Variants in CLMP observed in about 807,000 individuals in gnomAD.
The protein encoded by CLMP is CXADR like cell adhesion molecule, also known as CXADR-like membrane protein.
In CLMP, 27 loss-of-function variants were observed where a neutral mutation model predicts 45.2. That is an observed-to-expected ratio of 0.60 (90% CI 0.44 to 0.82). The LOEUF is 0.82. Among genes scored for constraint, CLMP ranks in the 40% least tolerant of loss-of-function variants. The probability of loss-of-function intolerance (pLI) is 0.00; values close to 1 mark genes in which losing one functional copy is unlikely to be tolerated. For missense variants in CLMP, 403 were observed against 448.4 expected (o/e 0.90, Z 0.91); for synonymous variants, 167 against 171.4 (o/e 0.97, Z 0.20).
chr11:123,150,201 AACACAC>A (rs113858165), intron 1 of CLMP, among the ~76,000 whole-genome samples: 11,066 of 142,174 alleles, frequency 0.078, 467 homozygotes, highest in Middle Eastern at 0.12. Flanking sequence ...ACACACACTA[AACACAC>A]ACACACACAC....
At position 123,073,675 on chromosome 11, in the gene CLMP, TGTGGAGCGA is replaced by T; in HGVS notation, c.912_920del (p.Arg305_Thr307del). ...GCTGGCTGCGTGAGGCACTATTTGC[TGTGGAGCGA>T]GTGGAGGAAGAACCAGAGCGTGAGC... On this transcript the variant is annotated inframe_deletion, in exon 7 of 7. Coordinates refer to ENST00000448775, the MANE Select transcript of CLMP (RefSeq NM_024769.5). The T allele has an allele frequency of 1.2e-6, 2 of 1,614,212 alleles. No homozygotes were observed.
Position 123,073,463 on chromosome 11 carries a change from T to C in CLMP, c.*11A>G. On this transcript the variant is annotated 3_prime_UTR_variant, in exon 7 of 7. Transcript: ENST00000448775. Reference sequence around the variant, plus strand: ...CTCCTAGGAAAGCGTGGGAGTCAAGTCCATTGTAATTCAGACCGTTTGGAA... The same window carrying C: ...CTCCTAGGAAAGCGTGGGAGTCAAGCCCATTGTAATTCAGACCGTTTGGAA... 6.3e-7 allele frequency: 1 copy of C among 1,597,720 alleles called. No individual in the cohort carries two copies. The highest frequency in any genetic ancestry group is 1.1e-5 in the South Asian group (1 of 89,230).
intron 1 of CLMP, among the ~76,000 whole-genome samples, chr11:123,109,468 G>A (rs1591461738): frequency 6.6e-6 from 1 of 152,244 alleles, no homozygotes; most frequent in Non-Finnish European, 1.5e-5. Context: ...TCCATCACTA[G>A]TTTTTATTAT....
intron 2 of CLMP, among the ~76,000 whole-genome samples, chr11:123,086,899 A>G (rs2135471734): frequency 6.6e-6 from 1 of 152,274 alleles, no homozygotes; most frequent in Non-Finnish European, 1.5e-5. Context: ...AATTTAAAAA[A>G]AGAAAAAAAT....
chr11:123,126,884 G>A (rs1860904451), intron 1 of CLMP, among the ~76,000 whole-genome samples: 1 of 150,614 alleles, frequency 6.6e-6, no homozygotes. Flanking sequence ...GCGAGAGTGC[G>A]AGACTCCATC....
At chr11:123,164,476 G>A (rs905450364) in intron 1 of CLMP, among the ~76,000 whole-genome samples, 3 of 151,962 alleles carry the variant, frequency 2.0e-5, no homozygotes, top group East Asian at 3.9e-4. Flanking sequence ...GCTAGTTTTT[G>A]TATTTTTAGT....
At position 123,073,292 on chromosome 11, in the gene CLMP, A is replaced by G. The variant is rs1480191607; in HGVS notation, c.*182T>C. On this transcript the variant is annotated 3_prime_UTR_variant, in exon 7 of 7. Transcript: ENST00000448775. The stretch of plus-strand genomic sequence containing the variant: ...CCTTTTTACAGATGAATCAGCTTAC[A>G]TCCTTTTGCTTGTTTGGTATTGTAT... The G allele has an allele frequency of 3.1e-6, 2 of 651,930 alleles. No homozygotes were observed. The highest frequency in any genetic ancestry group is 5.4e-5 in the East Asian group (2 of 36,894). The allele number at this position is 651,930 out of a possible 1,614,324, so 40.4% of individuals were successfully genotyped here. A position where few individuals can be genotyped will look rare whatever the true frequency, so the allele number is the denominator to read the frequency against.
At chr11:123,077,688 A>G (rs1447922040) in intron 5 of CLMP, among the ~76,000 whole-genome samples, 1 of 152,192 alleles carries the variant, frequency 6.6e-6, no homozygotes, top group Non-Finnish European at 1.5e-5. Flanking sequence ...AAAGGAATGG[A>G]GTTATTTTAC....
intron 1 of CLMP, among the ~76,000 whole-genome samples, chr11:123,110,801 C>G (rs767195124): frequency 5.3e-5 from 8 of 152,212 alleles, no homozygotes; most frequent in African/African-American, 1.9e-4. Flanking sequence ...AAGGAAAGGG[C>G]TTATGCCATT....
chr11:123,193,746 C>T (rs533590707), intron 1 of CLMP, among the ~76,000 whole-genome samples: 2 of 152,230 alleles, frequency 1.3e-5, no homozygotes, highest in African/African-American at 4.8e-5. Context: ...TCCTTCAAAC[C>T]TCTGGTGTTG....
chr11:123,098,353 G>T (rs1270808874), intron 1 of CLMP, among the ~76,000 whole-genome samples: 1 of 151,778 alleles, frequency 6.6e-6, no homozygotes, highest in South Asian at 2.1e-4. Context: ...TTAGCCTCGT[G>T]AGTAGCTGGA....
intron 1 of CLMP, among the ~76,000 whole-genome samples, chr11:123,143,607 A>G (rs1861196554): frequency 6.6e-6 from 1 of 152,088 alleles, no homozygotes; most frequent in Admixed American, 6.6e-5. Flanking sequence ...ACCACAAAGA[A>G]CTCAATACTG....
intron 2 of CLMP, among the ~76,000 whole-genome samples, 179 bp from the exon 3 acceptor site, chr11:123,084,892 C>T (rs1293475844): frequency 1.3e-5 from 2 of 152,170 alleles, no homozygotes; most frequent in African/African-American, 4.8e-5. Context: ...TGCACCTAGG[C>T]CTTGCCTCTC....
chr11:123,118,696 A>G (rs569382401), intron 1 of CLMP, among the ~76,000 whole-genome samples: 3 of 152,126 alleles, frequency 2.0e-5, no homozygotes, highest in African/African-American at 7.2e-5. Context: ...CACCCAGTTT[A>G]TATCCCAGCA....
intron 1 of CLMP, among the ~76,000 whole-genome samples, chr11:123,180,351 G>A (rs537144298): frequency 5.7e-4 from 87 of 152,238 alleles, no homozygotes; most frequent in African/African-American, 2.0e-3. Context: ...TGGGGCCTTG[G>A]GGACTGATTA....
intron 1 of CLMP, among the ~76,000 whole-genome samples, chr11:123,173,317 C>T (rs955771537): frequency 6.6e-6 from 1 of 152,180 alleles, no homozygotes; most frequent in African/African-American, 2.4e-5. Context: ...TGGAGAGTCC[C>T]TGTTCTATCC....
chr11:123,134,521 T>C (rs1376984874), intron 1 of CLMP, among the ~76,000 whole-genome samples: 2 of 150,476 alleles, frequency 1.3e-5, no homozygotes, highest in Non-Finnish European at 3.0e-5. Context: ...AAATTTGCAC[T>C]CTAGACTGGG....
Position 123,073,622 on chromosome 11 carries a change from T to C in CLMP, c.974A>G (p.Gln325Arg), listed in dbSNP as rs758661615. 6.8e-6 allele frequency: 11 copies of C among 1,614,230 alleles called. No homozygotes were observed. In the South Asian group the frequency reaches 1.2e-4, roughly 18 times the overall value. Residue 325 changes from glutamine (Q) to arginine (R), a missense_variant, in exon 7 of 7, where the codon CAG becomes CGG. Gln to Arg is a conservative substitution (Grantham distance 43, BLOSUM62 1). Coordinates refer to ENST00000448775, the MANE Select transcript of CLMP (RefSeq NM_024769.5). ...GTATGCCTGGGTGGCCAGCCCTGGC[T>C]GGGGTGCTGCGTCAGTTGACAGTGT... ...QRTLSTDAAP[Q>R]PGLATQAYSL... is the part of the protein sequence containing the mutation.
rs867289114 is a variant in CLMP at position 123,084,772 on chromosome 11, G to A, written c.187-59C>T. 3.0e-5 allele frequency: 45 copies of A among 1,484,902 alleles called. No homozygotes were observed. The South Asian group carries it at 4.8e-4, about 16-fold the overall frequency. 92.0% of individuals were successfully genotyped at this position (1,484,902 alleles called of 1,614,324 possible). A position where few individuals can be genotyped will look rare whatever the true frequency, so the allele number is the denominator to read the frequency against. ...TAACTCTCAGCCTGCCTTTCCTGAT[G>A]GTGTGAAGAAGAGGAAAGGGAGTAC... On this transcript the variant is annotated intron_variant, in intron 2 of 6. Coordinates refer to ENST00000448775, the MANE Select transcript of CLMP (RefSeq NM_024769.5).
Sources: allele counts gnomAD v4.1 joint callset (sites outside exome capture counted in the v4.1 genomes callset), GRCh38; gene constraint gnomAD v4.1.1; transcripts MANE v1.5; gene names NCBI Gene and HGNC (gene_info 2026-07-23, HGNC 2026-07-21).